TDRD7: variants seen among roughly 807,000 people sequenced by gnomAD.
TDRD7 encodes the protein tudor domain containing 7.
In TDRD7, 47 loss-of-function variants were observed where a neutral mutation model predicts 109.8. That is an observed-to-expected ratio of 0.43 (90% CI 0.34 to 0.55). TDRD7 has a LOEUF of 0.55. Among genes scored for constraint, TDRD7 ranks in the 20% least tolerant of loss-of-function variants. TDRD7 has a pLI of 0.03. For synonymous variants in TDRD7, 424 were observed against 457.3 expected (o/e 0.93, Z 0.93); for missense variants, 1,164 against 1,319.2 (o/e 0.88, Z 1.82).
chr9:97,472,401 T>C lies in TDRD7; in HGVS notation c.1850T>C (p.Val617Ala), dbSNP rs150822540. The change falls in exon 10 of 17, where the codon GTT becomes GCT. Residue 617 changes from valine to alanine, a missense_variant. Val to Ala is a moderately conservative substitution (Grantham distance 64). Around this residue, in one of 5 missense-constraint regions of TDRD7, gnomAD observed 261 missense variants for 336.2 expected, o/e 0.78. Coordinates refer to ENST00000355295, the MANE Select transcript of TDRD7 (RefSeq NM_014290.3). ...CTTGACAAAGCTGACATTCCACTTG[T>C]TGTTCTGTACGATACCTCAGGAGAA... ...EILDKADIPL[V>A]VLYDTSGEDD... 1 of 1,613,980 alleles carries C rather than the reference T, an allele frequency of 6.2e-7. No individual in the cohort carries two copies. Among genetic ancestry groups the C allele is most frequent in the Non-Finnish European group, 8.5e-7 (1 of 1,179,884 alleles).
Position 97,482,874 on chromosome 9 carries a change from G to C in TDRD7, c.2438G>C (p.Gly813Ala), listed in dbSNP as rs748847018. The C allele has an allele frequency of 6.2e-7, 1 of 1,614,042 alleles. No individual in the cohort carries two copies. The highest frequency in any genetic ancestry group is 1.7e-5 in the Admixed American group (1 of 60,008). Residue 813 changes from glycine to alanine, a missense_variant, in exon 15 of 17, where the codon GGG (glycine) becomes GCG (alanine). Gly to Ala is a moderately conservative substitution (Grantham distance 60, BLOSUM62 0). Coordinates refer to ENST00000355295, the MANE Select transcript of TDRD7 (RefSeq NM_014290.3). ...IKVTKVDETR[G>A]IAHVYLFTPK... ...GTTACAAAAGTGGATGAAACCAGAG[G>C]GATCGCACATGTTTATTTATTTACC...
At chr9:97,421,918 A>C (rs1034161795) in intron 1 of TDRD7, among the ~76,000 whole-genome samples, 1 of 151,670 alleles carries the variant, frequency 6.6e-6, no homozygotes, top group African/African-American at 2.4e-5. Flanking sequence ...ACAAAGATTT[A>C]CTCCTGTGTA....
At chr9:97,416,022 G>T (rs978590665) in intron 1 of TDRD7, among the ~76,000 whole-genome samples, 47 of 152,094 alleles carry the variant, frequency 3.1e-4, no homozygotes, top group African/African-American at 8.2e-4. Flanking sequence ...CTGAAGTGAT[G>T]TTGCTAATGT....
chr9:97,484,033 T>C (rs1829169359), intron 15 of TDRD7, among the ~76,000 whole-genome samples: 1 of 152,198 alleles, frequency 6.6e-6, no homozygotes, highest in Non-Finnish European at 1.5e-5. Context: ...AATGTAAATC[T>C]TTGCATTTCT....
intron 8 of TDRD7, among the ~76,000 whole-genome samples, chr9:97,465,390 G>C (rs1403015478): frequency 1.3e-5 from 2 of 152,180 alleles, no homozygotes; most frequent in African/African-American, 2.4e-5. Flanking sequence ...AAGCCATACA[G>C]ACCAAAGGAG....
chr9:97,454,299 T>G (rs1587875046), intron 6 of TDRD7, among the ~76,000 whole-genome samples: 1 of 152,008 alleles, frequency 6.6e-6, no homozygotes, highest in Non-Finnish European at 1.5e-5. Flanking sequence ...ACTAACATGG[T>G]GAAACCCCAT....
Position 97,483,353 on chromosome 9 carries a change from T to C in TDRD7, c.2915+2T>C. 6.2e-7 allele frequency: 1 copy of C among 1,613,466 alleles called. No individual in the cohort carries two copies. Among genetic ancestry groups the C allele is most frequent in the Non-Finnish European group, 8.5e-7 (1 of 1,179,988 alleles). ...GTATGCTGCAAAAGTGGAAAATAAG[T>C]AGGTCCTTGGACAAAGCATTTTATT... is the stretch of plus-strand genomic sequence containing the variant. On this transcript the variant is annotated splice_donor_variant, in intron 15 of 16. Coordinates refer to ENST00000355295, the MANE Select transcript of TDRD7 (RefSeq NM_014290.3). LOFTEE classifies it high-confidence loss of function.
chr9:97,428,775 T>G (rs989060310), intron 2 of TDRD7, 103 bp downstream of exon 2: 7 of 1,096,162 alleles, frequency 6.4e-6, no homozygotes, highest in Non-Finnish European at 9.5e-6. Flanking sequence ...GTGAAAGTAC[T>G]AGCTTAGTTG....
intron 13 of TDRD7, chr9:97,480,625 G>A (rs979620359): frequency 1.7e-6 from 1 of 583,990 alleles, no homozygotes; most frequent in East Asian, 3.2e-5. Flanking sequence ...GGCTCATAAA[G>A]GAGTAAAGAC....
At chr9:97,454,012 T>G (rs895956542) in intron 6 of TDRD7, among the ~76,000 whole-genome samples, 3 of 152,118 alleles carry the variant, frequency 2.0e-5, no homozygotes, top group Non-Finnish European at 2.9e-5. Context: ...ACAATGATAT[T>G]CAGGACTTGA....
intron 4 of TDRD7, among the ~76,000 whole-genome samples, chr9:97,435,058 G>A (rs1828169787): frequency 6.6e-6 from 1 of 152,140 alleles, no homozygotes; most frequent in African/African-American, 2.4e-5. Flanking sequence ...GAGAGCAAGA[G>A]GAACCCTTGT....
intron 7 of TDRD7, among the ~76,000 whole-genome samples, chr9:97,463,411 A>G (rs1828765402): frequency 6.7e-6 from 1 of 149,246 alleles, no homozygotes; most frequent in Admixed American, 6.6e-5. Context: ...CTTGTAATGA[A>G]TAGCTTGACT....
intron 1 of TDRD7, among the ~76,000 whole-genome samples, chr9:97,413,201 C>G (rs1272895305): frequency 6.6e-6 from 1 of 152,216 alleles, no homozygotes; most frequent in Admixed American, 6.5e-5. Flanking sequence ...AGATAGGCAA[C>G]AGCTTAATAG....
intron 1 of TDRD7, among the ~76,000 whole-genome samples, chr9:97,416,707 C>G (rs1827817648): frequency 6.6e-6 from 1 of 152,136 alleles, no homozygotes; most frequent in South Asian, 2.1e-4. Flanking sequence ...TTTTTAGTAA[C>G]TTAAATTGGA....
At chr9:97,475,973 A>G (rs1564212087) in intron 12 of TDRD7, among the ~76,000 whole-genome samples, 1 of 152,202 alleles carries the variant, frequency 6.6e-6, no homozygotes, top group Non-Finnish European at 1.5e-5. Flanking sequence ...ATTGAACACT[A>G]TTAATATGCC....
In TDRD7 at chr9:97,468,971, A is replaced by G. The variant is rs563512550; in HGVS notation, c.1630-1587A>G. Among the ~76,000 whole-genome samples, 4 of 152,354 alleles carry G rather than the reference A, an allele frequency of 2.6e-5. No individual in the cohort carries two copies. In the South Asian group the frequency reaches 8.3e-4, roughly 32 times the overall value. On this transcript the variant is annotated intron_variant, in intron 8 of 16. Coordinates refer to ENST00000355295, the MANE Select transcript of TDRD7 (RefSeq NM_014290.3). ...GTGTTTTATAAACTGCAGTTGCCAT[A>G]CAAACATGTATGATTAAAAACAAGA...
chr9:97,465,957 A>G (rs772345196), intron 8 of TDRD7, among the ~76,000 whole-genome samples: 8 of 152,180 alleles, frequency 5.3e-5, no homozygotes, highest in Admixed American at 1.3e-4. Context: ...CCCCACTTCT[A>G]TAGTCCCTTG....
chr9:97,427,194 G>A (rs1828012548), intron 1 of TDRD7, among the ~76,000 whole-genome samples: 2 of 151,894 alleles, frequency 1.3e-5, no homozygotes, highest in African/African-American at 2.4e-5. Context: ...TTCTCTGAAT[G>A]TATCTCCTAG....
chr9:97,456,121 C>A (rs1258082742), intron 6 of TDRD7, among the ~76,000 whole-genome samples: 1 of 152,094 alleles, frequency 6.6e-6, no homozygotes, highest in Non-Finnish European at 1.5e-5. Context: ...TAACAAAGGA[C>A]ATGAAGGACC....
Sources: allele counts gnomAD v4.1 joint callset (sites outside exome capture counted in the v4.1 genomes callset), GRCh38; gene constraint gnomAD v4.1.1; regional missense constraint gnomAD v4.1.1; transcripts MANE v1.5; gene names NCBI Gene and HGNC (gene_info 2026-07-23, HGNC 2026-07-21).